The following SUPT20H variants were observed in gnomAD, a reference collection of about 807,000 sequenced individuals.
The protein encoded by SUPT20H is SPT20 homolog, SAGA complex component.
In SUPT20H, 82 loss-of-function variants were observed where a neutral mutation model predicts 122.8. The observed-to-expected ratio is 0.67, with a 90% CI of 0.56 to 0.80. SUPT20H has a LOEUF of 0.80. Ranked by LOEUF, SUPT20H falls within the 30% of genes least tolerant of loss-of-function variation. The pLI, the probability that SUPT20H is intolerant of heterozygous loss-of-function variation, is 0.00. For synonymous variants in SUPT20H, 291 were observed against 313.0 expected, an observed-to-expected ratio of 0.93 and a Z score of 0.74; for missense variants, 831 against 921.6, an observed-to-expected ratio of 0.90 and a Z score of 1.27.
Position 37,009,567 on chromosome 13 carries a change from C to T in SUPT20H, c.*105G>A. On this transcript the variant is annotated 3_prime_UTR_variant, in exon 26 of 26. Coordinates refer to ENST00000350612, the MANE Select transcript of SUPT20H (RefSeq NM_001014286.3). ...TTCTGTATAAAGTTTGTACATCTAG[C>T]AATGTAAAATACTGACACATTAAAA... 7.8e-7 allele frequency: 1 copy of T among 1,279,796 alleles called. No homozygotes were observed. Among genetic ancestry groups the T allele is most frequent in the East Asian group, 2.3e-5 (1 of 43,182 alleles). 79.3% of individuals were successfully genotyped at this position (1,279,796 alleles called of 1,614,324 possible). A position where few individuals can be genotyped will look rare whatever the true frequency, so the allele number is the denominator to read the frequency against.
chr13:37,022,453 A>C lies in SUPT20H; in HGVS notation c.1592-373T>G. Reference sequence around the variant, plus strand: ...TTTTTAGCAGTTAACTGCAAGTGTTAATTTCTACACATGATACATGAGTGT... The same window carrying C: ...TTTTTAGCAGTTAACTGCAAGTGTTCATTTCTACACATGATACATGAGTGT... On this transcript the variant is annotated intron_variant, in intron 19 of 25. Coordinates refer to ENST00000350612, the MANE Select transcript of SUPT20H (RefSeq NM_001014286.3). The surrounding 1 kb of genome is among the most constrained non-coding windows in gnomAD (Gnocchi z 4.5). 7.7e-7 allele frequency: 1 copy of C among 1,303,056 alleles called. No homozygotes were observed. Among genetic ancestry groups the C allele is most frequent in the Non-Finnish European group, 9.7e-7 (1 of 1,028,602 alleles). The allele number at this position is 1,303,056 out of a possible 1,614,324, so 80.7% of individuals were successfully genotyped here. A position where few individuals can be genotyped will look rare whatever the true frequency, so the allele number is the denominator to read the frequency against.
chr13:37,049,322 A>C (rs2067147694), intron 2 of SUPT20H, among the ~76,000 whole-genome samples: 1 of 152,218 alleles, frequency 6.6e-6, no homozygotes, highest in Admixed American at 6.5e-5. Flanking sequence ...GAGATCTACT[A>C]GTAGATCCCT....
At position 37,021,496 on chromosome 13, in the gene SUPT20H, G is replaced by A. The variant is rs1275053642; in HGVS notation, c.1768C>T (p.Leu590=). The change falls in exon 21 of 26, where the codon CTG becomes TTG. Residue 590 remains leucine (L), a synonymous_variant. Transcript: ENST00000350612. Reference sequence around the variant, plus strand: ...GCACTGGGCAGTGCATTTGGTAGCAGACCTCCTGAGGGTAGAAGGCCGCTC... The same window carrying A: ...GCACTGGGCAGTGCATTTGGTAGCAAACCTCCTGAGGGTAGAAGGCCGCTC... ...NLSGLLPSGG[L]LPNALPSAMQ... 8.1e-6 allele frequency: 13 copies of A among 1,613,858 alleles called. No individual in the cohort carries two copies. Among genetic ancestry groups the A allele is most frequent in the Non-Finnish European group, 1.0e-5 (12 of 1,179,958 alleles).
At chr13:37,029,538 TAAAATAAAAATAA>T (rs564004843) in intron 13 of SUPT20H, among the ~76,000 whole-genome samples, 7 of 151,410 alleles carry the variant, frequency 4.6e-5, no homozygotes, top group South Asian at 4.2e-4. Flanking sequence ...AAAATTAAAA[TAAAATAAAAATAA>T]AAAATAAAAA....
At chr13:37,042,858 G>C (rs1366681594) in intron 7 of SUPT20H, among the ~76,000 whole-genome samples, 4 of 152,166 alleles carry the variant, frequency 2.6e-5, no homozygotes, top group Non-Finnish European at 5.9e-5. Flanking sequence ...TTTAAAATTT[G>C]AGACATACAG....
intron 1 of SUPT20H, among the ~76,000 whole-genome samples, chr13:37,057,816 A>T (rs1258116612): frequency 1.3e-5 from 2 of 152,034 alleles, no homozygotes; most frequent in Non-Finnish European, 2.9e-5. Context: ...TCTACTAAAA[A>T]CACAAAAATC....
Position 37,040,616 on chromosome 13 carries a change from C to A in SUPT20H, c.473G>T (p.Gly158Val), listed in dbSNP as rs150259873. 6 of 1,614,038 alleles carry A rather than the reference C, an allele frequency of 3.7e-6. No individual in the cohort carries two copies. In the East Asian group the frequency reaches 8.9e-5, roughly 24 times the overall value. The change falls in exon 8 of 26, where the codon GGT (glycine) becomes GTT (valine). Residue 158 changes from glycine (G) to valine (V), a missense_variant. Coordinates refer to ENST00000350612, the MANE Select transcript of SUPT20H (RefSeq NM_001014286.3). ...YRQSSNMKSP[G>V]YQSRHILLRP... ...TAAGAGAATGTGCCGACTTTGGTAA[C>A]CAGGAGATTTCATGTTACTGGACTG...
At chr13:37,046,067 A>T (rs1200678396) in intron 5 of SUPT20H, among the ~76,000 whole-genome samples, 1 of 152,070 alleles carries the variant, frequency 6.6e-6, no homozygotes, top group East Asian at 1.9e-4. Context: ...ATAACAGTAA[A>T]TTTTTTTAGA....
At chr13:37,035,354 T>C (rs1016122183) in intron 9 of SUPT20H, among the ~76,000 whole-genome samples, 1 of 152,174 alleles carries the variant, frequency 6.6e-6, no homozygotes, top group Non-Finnish European at 1.5e-5. Flanking sequence ...CCAACCTTCA[T>C]GGATGACTCC....
intron 1 of SUPT20H, among the ~76,000 whole-genome samples, chr13:37,058,553 A>G (rs1030832010): frequency 6.6e-6 from 1 of 152,244 alleles, no homozygotes; most frequent in East Asian, 1.9e-4. Context: ...TACTTCAGAC[A>G]AAAACTAATA....
At chr13:37,049,417 C>T (rs1018204564) in intron 2 of SUPT20H, among the ~76,000 whole-genome samples, 1 of 152,058 alleles carries the variant, frequency 6.6e-6, no homozygotes, top group Non-Finnish European at 1.5e-5. Flanking sequence ...TCTAAAGACA[C>T]ATATGAATAA....
chr13:37,027,221 A>G (rs2062447295), intron 14 of SUPT20H, among the ~76,000 whole-genome samples: 1 of 152,058 alleles, frequency 6.6e-6, no homozygotes, highest in Admixed American at 6.5e-5. Flanking sequence ...ACCTGCACAC[A>G]TACCCCTATA....
chr13:37,042,809 C>A (rs1306059207), intron 7 of SUPT20H, among the ~76,000 whole-genome samples: 2 of 151,994 alleles, frequency 1.3e-5, no homozygotes, highest in Admixed American at 6.5e-5. Context: ...GTAACAAGAG[C>A]AGTAGTTGGA....
chr13:37,030,793 T>G (rs2063160415), intron 12 of SUPT20H, among the ~76,000 whole-genome samples: 1 of 152,338 alleles, frequency 6.6e-6, no homozygotes, highest in African/African-American at 2.4e-5. Flanking sequence ...CCATGTTCCT[T>G]GAAGAACTGC....
rs563276367 is a variant in SUPT20H, at chr13:37,052,598, A to T, written c.-93-1015T>A. Among the ~76,000 whole-genome samples, 45 of 152,334 alleles carry T rather than the reference A, an allele frequency of 3.0e-4. No homozygotes were observed. In the South Asian group the frequency reaches 8.7e-3, roughly 29 times the overall value. On this transcript the variant is annotated intron_variant, in intron 1 of 25. Transcript: ENST00000350612. Reference sequence around the variant, plus strand: ...AAAACCCTAGAAGAAAACCTAGGCAATACCATTCAGGACATAGGCATGGGC... The same window carrying T: ...AAAACCCTAGAAGAAAACCTAGGCATTACCATTCAGGACATAGGCATGGGC...
At chr13:37,027,856 A>G (rs546480993) in intron 14 of SUPT20H, among the ~76,000 whole-genome samples, 1 of 152,268 alleles carries the variant, frequency 6.6e-6, no homozygotes, top group African/African-American at 2.4e-5. Flanking sequence ...TTCAAAGGTT[A>G]AAGTCCTAAG....
intron 14 of SUPT20H, 104 bp from the exon 15 acceptor site, chr13:37,026,920 G>T (rs1292729543): frequency 1.6e-5 from 11 of 708,744 alleles, no homozygotes; most frequent in Non-Finnish European, 2.3e-5. Flanking sequence ...ATGACTGGAA[G>T]ATAATAAATC....
chr13:37,047,447 A>T, intron 5 of SUPT20H, 88 bp downstream of exon 5: 1 of 1,314,734 alleles, frequency 7.6e-7, no homozygotes, highest in East Asian at 3.3e-5. Context: ...TCACTCACAC[A>T]CACAAAAATA....
intron 2 of SUPT20H, 104 bp downstream of exon 2, chr13:37,051,384 A>T: frequency 8.2e-7 from 1 of 1,220,790 alleles, no homozygotes; most frequent in Non-Finnish European, 1.2e-6. Flanking sequence ...TAACCTGTAC[A>T]GCTTACAAGA....
Sources: allele counts gnomAD v4.1 joint callset (sites outside exome capture counted in the v4.1 genomes callset), GRCh38; gene constraint gnomAD v4.1.1; non-coding constraint Gnocchi (gnomAD v3.1); transcripts MANE v1.5; gene names NCBI Gene and HGNC (gene_info 2026-07-23, HGNC 2026-07-21).